The following THOC7 variants were observed in gnomAD, a reference collection of about 807,000 sequenced individuals.
The protein encoded by THOC7 is NIF3L1-binding protein 1.
THOC7 carries 22 observed loss-of-function variants against 33.1 expected under a neutral mutation model. The ratio of observed to expected loss-of-function variants is 0.66; its 90% CI spans 0.47 to 0.95. The LOEUF (loss-of-function observed/expected upper bound fraction) is 0.95, where lower values mean the gene tolerates loss of function less well. Ranked by LOEUF, THOC7 falls within the 40% of genes least tolerant of loss-of-function variation. The pLI, the probability that THOC7 is intolerant of heterozygous loss-of-function variation, is 0.00. For missense variants in THOC7, 184 were observed against 245.3 expected (o/e 0.75, Z 1.67); for synonymous variants, 77 against 76.8 (o/e 1.00, Z -0.01).
At chr3:63,851,532 C>T (rs1702019628) in intron 1 of THOC7, among the ~76,000 whole-genome samples, 3 of 152,192 alleles carry the variant, frequency 2.0e-5, no homozygotes, top group East Asian at 3.9e-4. Context: ...TGTAAGAGAT[C>T]AGAAGAGAAT....
intron 1 of THOC7, among the ~76,000 whole-genome samples, chr3:63,842,682 A>T (rs1486696472): frequency 6.6e-6 from 1 of 152,020 alleles, no homozygotes; most frequent in Non-Finnish European, 1.5e-5. Context: ...GACATAATGG[A>T]CTCTGGAGAT....
In THOC7 at chr3:63,862,279, T is replaced by C. The variant is rs115250088; in HGVS notation, c.19+1493A>G. ...CTACCAACCCAGAACACCAGTCCAATATCTATTTATTCTTCAAAAATGGGA... is the reference window on the plus strand; with the variant it reads ...CTACCAACCCAGAACACCAGTCCAACATCTATTTATTCTTCAAAAATGGGA... On this transcript the variant is annotated intron_variant, in intron 1 of 7. Transcript: ENST00000295899. Among the ~76,000 whole-genome samples, 305 of 152,370 alleles carry C rather than the reference T, an allele frequency of 2.0e-3. 1 individual carries two copies. The highest frequency in any genetic ancestry group is 7.0e-3 in the African/African-American group (290 of 41,588).
Position 63,839,656 on chromosome 3 carries a change from C to A in THOC7, c.137G>T (p.Gly46Val). 6.2e-7 allele frequency: 1 copy of A among 1,610,812 alleles called. No homozygotes were observed. Among genetic ancestry groups the A allele is most frequent in the Non-Finnish European group, 8.5e-7 (1 of 1,178,888 alleles). ...KWCNSGSQEE[G>V]YSQYQRMLST... ...GGAAACAACAGTGAAAATGAAATAC[C>A]CCTCTTCCTGGGACCCAGAGTTGCA... Residue 46 changes from glycine (G) to valine (V), a missense_variant and splice_region_variant, in exon 2 of 8, where the codon GGA becomes GTA. By Grantham distance (109) the Gly-to-Val change is moderately radical. Transcript: ENST00000295899.
intron 1 of THOC7, chr3:63,860,782 T>G (rs1410669445): frequency 6.6e-6 from 1 of 152,244 alleles, no homozygotes; most frequent in Non-Finnish European, 1.5e-5. Context: ...CTCATTACAG[T>G]GAACTGCCTT....
At chr3:63,850,612 A>G (rs1701999676) in intron 1 of THOC7, among the ~76,000 whole-genome samples, 1 of 117,354 alleles carries the variant, frequency 8.5e-6, no homozygotes, top group Non-Finnish European at 1.7e-5. Context: ...TTTTGAGACG[A>G]GTCTCGCTCT....
At chr3:63,861,207 G>C (rs1055881126) in intron 1 of THOC7, among the ~76,000 whole-genome samples, 1 of 152,164 alleles carries the variant, frequency 6.6e-6, no homozygotes, top group Non-Finnish European at 1.5e-5. Flanking sequence ...TGGCAGGGTA[G>C]AGATTCCTGT....
At chr3:63,863,677 G>C in intron 1 of THOC7, 95 bp downstream of exon 1, 2 of 1,236,518 alleles carry the variant, frequency 1.6e-6, no homozygotes, top group Non-Finnish European at 2.0e-6. Flanking sequence ...CGGGGAGGCC[G>C]AGGGGTTCCC....
At chr3:63,845,473 T>G (rs1701871243) in intron 1 of THOC7, among the ~76,000 whole-genome samples, 1 of 152,124 alleles carries the variant, frequency 6.6e-6, no homozygotes, top group Non-Finnish European at 1.5e-5. Flanking sequence ...CAGAGGGAAA[T>G]GTGCGTTACA....
chr3:63,835,197 A>G lies in THOC7; in HGVS notation c.504T>C (p.His168=), dbSNP rs771028360. Residue 168 remains histidine (H), a synonymous_variant, in exon 7 of 8, where the codon CAT becomes CAC. Transcript: ENST00000295899. ...GTTCATGGATGGTACTAAGAAGAACATGAAACTGTTTCCGTCTCAATTCCA... is the reference window on the plus strand; with the variant it reads ...GTTCATGGATGGTACTAAGAAGAACGTGAAACTGTTTCCGTCTCAATTCCA... The part of the protein sequence containing the change: ...DKLELRRKQF[H]VLLSTIHELQ... 2 of 1,613,748 alleles carry G rather than the reference A, an allele frequency of 1.2e-6. No homozygotes were observed. Among genetic ancestry groups the G allele is most frequent in the South Asian group, 1.1e-5 (1 of 91,060 alleles).
At chr3:63,856,014 A>G (rs1702108920) in intron 1 of THOC7, among the ~76,000 whole-genome samples, 2 of 152,248 alleles carry the variant, frequency 1.3e-5, no homozygotes, top group African/African-American at 2.4e-5. Context: ...TATTCCCACA[A>G]GTACGCGAAT....
At chr3:63,836,498 C>T in intron 4 of THOC7, 140 bp from the exon 5 acceptor site, 1 of 752,276 alleles carries the variant, frequency 1.3e-6, no homozygotes, top group South Asian at 1.7e-5. Context: ...TGAGTATTGC[C>T]AGTTTTAGTT....
intron 1 of THOC7, among the ~76,000 whole-genome samples, chr3:63,845,713 C>CA (rs1701877747): frequency 6.6e-6 from 1 of 152,138 alleles, no homozygotes; most frequent in South Asian, 2.1e-4. Context: ...AAGGCGATCT[C>CA]AAAGCCAAAG....
At position 63,837,974 on chromosome 3, in the gene THOC7, A is replaced by G; in HGVS notation, c.352+2T>C. 6.2e-7 allele frequency: 1 copy of G among 1,606,958 alleles called. No individual in the cohort carries two copies. Among genetic ancestry groups the G allele is most frequent in the Non-Finnish European group, 8.5e-7 (1 of 1,177,552 alleles). ...GCACATTAAATCCCTCAAAACCCTT[A>G]CCTTGGCGATTTTTTCGTATTCGTT... is the stretch of plus-strand genomic sequence containing the variant. On this transcript the variant is annotated splice_donor_variant, in intron 4 of 7. Coordinates refer to ENST00000295899, the MANE Select transcript of THOC7 (RefSeq NM_025075.4). LOFTEE classifies it high-confidence loss of function.
At chr3:63,860,548 C>G (rs1262579820) in intron 1 of THOC7, 5 of 152,152 alleles carry the variant, frequency 3.3e-5, no homozygotes, top group African/African-American at 9.7e-5. Context: ...TCCTGGGCAT[C>G]TAAGATTGCC....
At chr3:63,839,603 G>A in intron 2 of THOC7, 53 bp downstream of exon 2, 1 of 1,446,104 alleles carries the variant, frequency 6.9e-7, no homozygotes, top group Admixed American at 1.7e-5. Context: ...TTAATATAGG[G>A]CCTAAAATCA....
At chr3:63,835,450 T>C in intron 5 of THOC7, 60 bp from the exon 6 acceptor site, 1 of 1,488,644 alleles carries the variant, frequency 6.7e-7, no homozygotes, top group Non-Finnish European at 9.3e-7. Context: ...TTACAATTAA[T>C]GCCTAACTTT....
chr3:63,844,732 T>A (rs550987460), intron 1 of THOC7, among the ~76,000 whole-genome samples: 1 of 152,180 alleles, frequency 6.6e-6, no homozygotes, highest in African/African-American at 2.4e-5. Context: ...GTGATACCTT[T>A]TGCCATGTTA....
intron 1 of THOC7, among the ~76,000 whole-genome samples, chr3:63,843,244 G>A (rs1327749594): frequency 8.6e-5 from 13 of 151,982 alleles, no homozygotes; most frequent in Non-Finnish European, 1.5e-5. Flanking sequence ...TCAGCCTTCC[G>A]AGCAGCTGGG....
intron 1 of THOC7, among the ~76,000 whole-genome samples, chr3:63,858,191 A>C (rs997144601): frequency 1.3e-5 from 2 of 152,228 alleles, no homozygotes; most frequent in Non-Finnish European, 2.9e-5. Flanking sequence ...CCTGGTTTAC[A>C]CAATAAATTA....
Sources: gnomAD v4.1 joint callset for allele counts (sites outside exome capture counted in the v4.1 genomes callset) on GRCh38, gnomAD v4.1.1 for gene constraint, MANE v1.5 for transcripts, NCBI Gene and HGNC (gene_info 2026-07-23, HGNC 2026-07-21) for gene names.